The following FGF14 variants were observed in gnomAD, a reference collection of about 807,000 sequenced individuals.
FGF14 encodes fibroblast growth factor 14.
A neutral mutation model predicts 25.5 loss-of-function variants in FGF14; 5 were observed. The ratio of observed to expected loss-of-function variants is 0.20; its 90% CI spans 0.10 to 0.41. The LOEUF (loss-of-function observed/expected upper bound fraction) is 0.41, where lower values mean the gene tolerates loss of function less well. Among genes scored for constraint, FGF14 ranks in the 10% least tolerant of loss-of-function variants. The pLI is 1.00. For synonymous variants in FGF14, 138 were observed against 118.3 expected (o/e 1.17, Z -1.08); for missense variants, 222 against 320.1 (o/e 0.69, Z 2.34).
At chr13:102,158,441 G>GAA (rs2047453826) in intron 1 of FGF14, among the ~76,000 whole-genome samples, 2 of 145,618 alleles carry the variant, frequency 1.4e-5, no homozygotes, top group East Asian at 2.1e-4. Context: ...AACACCATAT[G>GAA]TTCTCACTCA....
intron 1 of FGF14, among the ~76,000 whole-genome samples, chr13:102,325,773 T>C (rs900590963): frequency 6.6e-6 from 1 of 152,180 alleles, no homozygotes; most frequent in African/African-American, 2.4e-5. Context: ...TGTTTCCTCC[T>C]GCCTAGTCCA....
intron 1 of FGF14, among the ~76,000 whole-genome samples, chr13:102,208,176 C>T (rs538857877): frequency 6.6e-5 from 10 of 152,254 alleles, no homozygotes; most frequent in African/African-American, 2.4e-4. Context: ...AGGGGAAAGG[C>T]AGAATCGCTC....
chr13:102,307,816 A>C (rs542306757), intron 1 of FGF14, among the ~76,000 whole-genome samples: 1 of 152,194 alleles, frequency 6.6e-6, no homozygotes, highest in East Asian at 1.9e-4. Flanking sequence ...CGGCCACTCA[A>C]CCCCCATTGC....
intron 3 of FGF14, among the ~76,000 whole-genome samples, chr13:101,828,252 A>G (rs1338719920): frequency 6.6e-6 from 1 of 152,000 alleles, no homozygotes; most frequent in Non-Finnish European, 1.5e-5. Flanking sequence ...ATATGTCCAA[A>G]ATGCCAATAA....
intron 3 of FGF14, among the ~76,000 whole-genome samples, chr13:101,738,508 C>T (rs771885461): frequency 1.1e-4 from 17 of 152,134 alleles, no homozygotes; most frequent in Non-Finnish European, 2.5e-4. Context: ...CTGGCAACAA[C>T]TTGTTTGATA....
intron 1 of FGF14, among the ~76,000 whole-genome samples, chr13:102,040,362 T>A (rs2041675209): frequency 6.6e-6 from 1 of 152,174 alleles, no homozygotes; most frequent in Non-Finnish European, 1.5e-5. Context: ...ATACAATACC[T>A]TTTTACATAG....
chr13:102,386,571 C>T (rs903624301), intron 1 of FGF14, among the ~76,000 whole-genome samples: 4 of 152,150 alleles, frequency 2.6e-5, no homozygotes, highest in Non-Finnish European at 4.4e-5. Flanking sequence ...TATCAAGATA[C>T]GCTGACATAA....
At chr13:101,871,190 A>C (rs919213952) in intron 2 of FGF14, among the ~76,000 whole-genome samples, 1 of 152,148 alleles carries the variant, frequency 6.6e-6, no homozygotes, top group Non-Finnish European at 1.5e-5. Context: ...ATTATAAGGC[A>C]ATGTCACAAA....
chr13:102,065,197 T>C (rs2042851330), intron 1 of FGF14, among the ~76,000 whole-genome samples: 1 of 152,146 alleles, frequency 6.6e-6, no homozygotes, highest in Non-Finnish European at 1.5e-5. Context: ...GCTGTACTTC[T>C]AGAAGTAACC....
chr13:102,254,444 G>C (rs1386650310), intron 1 of FGF14, among the ~76,000 whole-genome samples: 3 of 152,138 alleles, frequency 2.0e-5, no homozygotes, highest in Admixed American at 2.0e-4. Context: ...GAGCTTCCAG[G>C]CGAGTCCAGG....
chr13:101,719,495 C>T lies in FGF14; in HGVS notation c.*3336G>A, dbSNP rs1170373913. 1.3e-5 allele frequency: 2 copies of T among 152,084 alleles called. No individual in the cohort carries two copies. The highest frequency in any genetic ancestry group is 2.9e-5 in the Non-Finnish European group (2 of 67,996). The allele number at this position is 152,084 out of a possible 1,614,324, so 9.4% of individuals were successfully genotyped here. A position where few individuals can be genotyped will look rare whatever the true frequency, so the allele number is the denominator to read the frequency against. Reference sequence around the variant, plus strand: ...ATGTTCAGTTCCATTTTGCTCTTTACATAGGGTGGAGAATTGTCATGTCTT... The same window carrying T: ...ATGTTCAGTTCCATTTTGCTCTTTATATAGGGTGGAGAATTGTCATGTCTT... On this transcript the variant is annotated 3_prime_UTR_variant, in exon 5 of 5. Transcript: ENST00000376143.
At chr13:101,976,459 T>A (rs984922030) in intron 1 of FGF14, among the ~76,000 whole-genome samples, 1 of 152,186 alleles carries the variant, frequency 6.6e-6, no homozygotes, top group African/African-American at 2.4e-5. Flanking sequence ...GCTGTAAAAC[T>A]TACTTTTTTT....
rs561216148 is a variant in FGF14, at chr13:102,136,183, T to G, written c.209-260887A>C. ...CTTAACAATAAAAATATTATTCATA[T>G]CTAGAATGCAAACACTGATAGTTGA... On this transcript the variant is annotated intron_variant, in intron 1 of 4. Transcript: ENST00000376131. Among the ~76,000 whole-genome samples the G allele has an allele frequency of 2.0e-5, 3 of 152,238 alleles. No individual in the cohort carries two copies. The South Asian group carries it at 6.2e-4, about 32-fold the overall frequency.
intron 1 of FGF14, among the ~76,000 whole-genome samples, chr13:102,248,270 T>C (rs1297915355): frequency 2.0e-5 from 3 of 152,140 alleles, no homozygotes; most frequent in African/African-American, 7.2e-5. Flanking sequence ...GTATATACTT[T>C]GCTTGTAAGG....
intron 1 of FGF14, among the ~76,000 whole-genome samples, chr13:102,266,171 G>C (rs182093315): frequency 2.0e-5 from 3 of 152,120 alleles, no homozygotes; most frequent in Admixed American, 6.5e-5. Context: ...TTTACTTGGG[G>C]TGAGAAAATA....
At chr13:102,108,372 AC>A (rs2045034631) in intron 1 of FGF14, among the ~76,000 whole-genome samples, 1 of 152,240 alleles carries the variant, frequency 6.6e-6, no homozygotes, top group African/African-American at 2.4e-5. Context: ...CGTATTCCTA[AC>A]GCTATACCTG....
At chr13:102,082,845 C>A (rs920079719) in intron 1 of FGF14, among the ~76,000 whole-genome samples, 1 of 151,320 alleles carries the variant, frequency 6.6e-6, no homozygotes, top group Non-Finnish European at 1.5e-5. Flanking sequence ...GTAGTCCCAG[C>A]TACTTGGGAG....
chr13:102,009,981 T>G (rs897545162), intron 1 of FGF14, among the ~76,000 whole-genome samples: 5 of 152,126 alleles, frequency 3.3e-5, no homozygotes, highest in African/African-American at 1.2e-4. Context: ...ATCTAAAAGT[T>G]CTTAAATGTT....
At chr13:101,849,599 G>A (rs1416650681) in intron 3 of FGF14, among the ~76,000 whole-genome samples, 2 of 151,932 alleles carry the variant, frequency 1.3e-5, no homozygotes, top group Admixed American at 6.6e-5. Flanking sequence ...TTACGTATGC[G>A]ACCAAATCTA....
Sources: gnomAD v4.1 joint callset for allele counts (sites outside exome capture counted in the v4.1 genomes callset) on GRCh38, gnomAD v4.1.1 for gene constraint, MANE v1.5 for transcripts, NCBI Gene and HGNC (gene_info 2026-07-23, HGNC 2026-07-21) for gene names.